Variants in USP14 observed in about 807,000 individuals in gnomAD.
USP14 encodes ubiquitin specific peptidase 14.
Under a neutral mutation model 76.5 loss-of-function variants are expected in USP14, and 38 were observed. The observed-to-expected ratio is 0.50, with a 90% CI of 0.38 to 0.65. The LOEUF is 0.65. USP14 is among the 30% of genes least tolerant of loss of function. The pLI, the probability that USP14 is intolerant of heterozygous loss-of-function variation, is 0.00. For synonymous variants in USP14, 192 were observed against 191.7 expected (o/e 1.00, Z -0.01); for missense variants, 467 against 586.5 (o/e 0.80, Z 2.10).
chr18:182,177 TG>T (rs1467906817), intron 5 of USP14, among the ~76,000 whole-genome samples: 1 of 152,234 alleles, frequency 6.6e-6, no homozygotes, highest in African/African-American at 2.4e-5. Flanking sequence ...TAATTACAAA[TG>T]TTTTGAGAAC....
At chr18:177,369 C>T (rs1007129588) in intron 3 of USP14, among the ~76,000 whole-genome samples, 2 of 149,400 alleles carry the variant, frequency 1.3e-5, no homozygotes, top group African/African-American at 5.0e-5. Context: ...CTACAGTGAC[C>T]TATAATTGTG....
rs969431835 is a variant in USP14, at chr18:213,189, A to G, written c.*1905A>G. The G allele has an allele frequency of 2.0e-5, 3 of 152,172 alleles. No homozygotes were observed. Among genetic ancestry groups the G allele is most frequent in the East Asian group, 1.9e-4 (1 of 5,202 alleles). The allele number at this position is 152,172 out of a possible 1,614,324, so 9.4% of individuals were successfully genotyped here. A position where few individuals can be genotyped will look rare whatever the true frequency, so the allele number is the denominator to read the frequency against. ...TTCATTGTCTCATTTGGTCAGAACA[A>G]TTTTATTGAGGACATGAATTTAACA... On this transcript the variant is annotated 3_prime_UTR_variant, in exon 16 of 16. Transcript: ENST00000261601.
intron 1 of USP14, among the ~76,000 whole-genome samples, chr18:162,306 C>G (rs752694169): frequency 1.3e-5 from 2 of 152,066 alleles, no homozygotes; most frequent in Non-Finnish European, 2.9e-5. Flanking sequence ...ACTTTTATTC[C>G]CCCCAGCAGT....
chr18:208,168 A>G (rs1029657648), intron 13 of USP14, among the ~76,000 whole-genome samples: 1 of 151,888 alleles, frequency 6.6e-6, no homozygotes, highest in South Asian at 2.1e-4. Context: ...TTACATTTCA[A>G]ATTTAATTTC....
At chr18:186,424 C>G (rs1004612026) in intron 5 of USP14, among the ~76,000 whole-genome samples, 9 of 152,084 alleles carry the variant, frequency 5.9e-5, no homozygotes, top group South Asian at 4.1e-4. Flanking sequence ...CCACTGCACT[C>G]CAGCCTGGGC....
At chr18:195,537 G>A (rs1001897022) in intron 6 of USP14, among the ~76,000 whole-genome samples, 3 of 152,176 alleles carry the variant, frequency 2.0e-5, no homozygotes, top group African/African-American at 7.2e-5. Flanking sequence ...GAGGAGAAAT[G>A]GTTCGAAATC....
chr18:182,824 C>A (rs898290521), intron 5 of USP14, among the ~76,000 whole-genome samples: 2 of 152,102 alleles, frequency 1.3e-5, no homozygotes, highest in African/African-American at 4.8e-5. Flanking sequence ...AGTCTGGAGG[C>A]AGGAGACTGC....
Position 197,649 on chromosome 18 carries a change from G to A in USP14, c.628G>A (p.Val210Ile), listed in dbSNP as rs750820867. ...TGAATGTTGGATACAAATGATGCGA[G>A]TATTGCAACAGAAATTGGAAGCAAT... ...ANECWIQMMR[V>I]LQQKLEAIED... is the part of the protein sequence containing the mutation. The change falls in exon 8 of 16, where the codon GTA (valine) becomes ATA (isoleucine). Residue 210 changes from valine (V) to isoleucine (I), a missense_variant. By Grantham distance (29) the Val-to-Ile change is conservative. Coordinates refer to ENST00000261601, the MANE Select transcript of USP14 (RefSeq NM_005151.4). The A allele has an allele frequency of 1.9e-6, 3 of 1,612,288 alleles. No individual in the cohort carries two copies. The highest frequency in any genetic ancestry group is 1.3e-5 in the African/African-American group (1 of 74,964).
intron 9 of USP14, among the ~76,000 whole-genome samples, chr18:198,499 G>A (rs1436439412): frequency 6.6e-6 from 1 of 152,122 alleles, no homozygotes; most frequent in Non-Finnish European, 1.5e-5. Flanking sequence ...GCCTCCAGGT[G>A]TGAGCCACCG....
chr18:197,778 A>G, intron 8 of USP14, 82 bp downstream of exon 8: 1 of 1,092,300 alleles, frequency 9.2e-7, no homozygotes, highest in Non-Finnish European at 1.3e-6. Flanking sequence ...AAAGGCTTAA[A>G]ATAAGTTCCA....
At chr18:165,517 T>C (rs2144210268) in intron 2 of USP14, among the ~76,000 whole-genome samples, 1 of 152,334 alleles carries the variant, frequency 6.6e-6, no homozygotes, top group Admixed American at 6.5e-5. Context: ...TAAATGAAAC[T>C]GTGACTGCTA....
rs542400968 is a variant in USP14, at chr18:181,370, C to T, written c.404+1031C>T. Among the ~76,000 whole-genome samples, 61 of 152,212 alleles carry T rather than the reference C, an allele frequency of 4.0e-4. No individual in the cohort carries two copies. In the Middle Eastern group the frequency reaches 0.014, roughly 34 times the overall value. ...GTCTGTCTTTGATTAAGCCATCTAG[C>T]GCTATGAAGTGTGGTATCTCATTGT... On this transcript the variant is annotated intron_variant, in intron 5 of 15. Coordinates refer to ENST00000261601, the MANE Select transcript of USP14 (RefSeq NM_005151.4).
Position 161,576 on chromosome 18 carries a change from C to T in USP14, c.17-1732C>T, listed in dbSNP as rs1372057840. Among the ~76,000 whole-genome samples, 3 of 152,148 alleles carry T rather than the reference C, an allele frequency of 2.0e-5. No homozygotes were observed. In the East Asian group the frequency reaches 5.8e-4, roughly 29 times the overall value. On this transcript the variant is annotated intron_variant, in intron 1 of 15. Transcript: ENST00000261601. ...TTAATTACTCTAGCCTCCTCCCACCCCCCCATTAGGCTGTAAGTTTATGGA... is the reference window on the plus strand; with the variant it reads ...TTAATTACTCTAGCCTCCTCCCACCTCCCCATTAGGCTGTAAGTTTATGGA...
At position 173,555 on chromosome 18, in the gene USP14, G is replaced by A. The variant is rs149868837; in HGVS notation, c.196-5378G>A. Among the ~76,000 whole-genome samples the A allele has an allele frequency of 1.3e-3, 204 of 152,148 alleles. 1 individual carries two copies. Among genetic ancestry groups the A allele is most frequent in the African/African-American group, 4.8e-3 (200 of 41,514 alleles). On this transcript the variant is annotated intron_variant, in intron 3 of 15. Transcript: ENST00000261601. ...GCCTCCTGAGTAGCTGGGATTAAAG[G>A]CATGCACCACCACACCCAGCTAATT...
intron 3 of USP14, among the ~76,000 whole-genome samples, chr18:169,258 G>C (rs1378020660): frequency 6.6e-6 from 1 of 151,008 alleles, no homozygotes; most frequent in African/African-American, 2.4e-5. Context: ...GAGTGTCATG[G>C]TGCACGCCAA....
chr18:198,464 G>C (rs1598277272), intron 9 of USP14, among the ~76,000 whole-genome samples: 1 of 152,130 alleles, frequency 6.6e-6, no homozygotes, highest in South Asian at 2.1e-4. Context: ...TTGAACTCCT[G>C]ACTTTAGTTG....
chr18:204,697 G>T lies in USP14; in HGVS notation c.1164+5G>T. ...GTGAATCAGCAGCCAAATACAGTAG[G>T]TTCTTACTGCTGACTTTATACTCTT... On this transcript the variant is annotated splice_donor_5th_base_variant and intron_variant, in intron 13 of 15. Coordinates refer to ENST00000261601, the MANE Select transcript of USP14 (RefSeq NM_005151.4). 1 of 1,609,646 alleles carries T rather than the reference G, an allele frequency of 6.2e-7. No individual in the cohort carries two copies. Among genetic ancestry groups the T allele is most frequent in the African/African-American group, 1.3e-5 (1 of 74,704 alleles).
At chr18:195,240 G>A (rs1910198991) in intron 6 of USP14, among the ~76,000 whole-genome samples, 1 of 151,596 alleles carries the variant, frequency 6.6e-6, no homozygotes, top group Middle Eastern at 3.4e-3. Context: ...TTGTTAAAAT[G>A]TAGGCTTTTA....
chr18:163,595 C>T, intron 2 of USP14, 142 bp downstream of exon 2: 2 of 897,888 alleles, frequency 2.2e-6, no homozygotes, highest in Non-Finnish European at 1.6e-6. Flanking sequence ...GGTGTTAAAA[C>T]TGTCTTATGC....
Sources: gnomAD v4.1 joint callset for allele counts (sites outside exome capture counted in the v4.1 genomes callset) on GRCh38, gnomAD v4.1.1 for gene constraint, MANE v1.5 for transcripts, NCBI Gene and HGNC (gene_info 2026-07-23, HGNC 2026-07-21) for gene names.